Variants in ZC3H12B observed in about 807,000 individuals in gnomAD.
The protein encoded by ZC3H12B is zinc finger CCCH-type containing 12B.
A neutral mutation model predicts 43.9 loss-of-function variants in ZC3H12B; 7 were observed. The ratio of observed to expected loss-of-function variants is 0.16; its 90% CI spans 0.09 to 0.30. The LOEUF (loss-of-function observed/expected upper bound fraction) is 0.30. ZC3H12B is among the 10% of genes least tolerant of loss of function. The pLI, the probability that ZC3H12B is intolerant of heterozygous loss-of-function variation, is 1.00. For synonymous variants in ZC3H12B, 222 were observed against 241.7 expected (o/e 0.92, Z 0.76); for missense variants, 475 against 670.2 (o/e 0.71, Z 3.22).
chrX:65,165,669 C>A, the ZC3H12B span, among the ~76,000 whole-genome samples: 1 of 112,437 alleles, frequency 8.9e-6, no homozygotes, highest in Admixed American at 9.4e-5. Context: ...GGTATATGTG[C>A]CAAATTTTCT....
At chrX:65,142,973 G>A in the ZC3H12B span, among the ~76,000 whole-genome samples, 1 of 110,761 alleles carries the variant, frequency 9.0e-6, no homozygotes, top group African/African-American at 3.3e-5. Flanking sequence ...GTCTTGCTTT[G>A]ACTACATGGG....
the ZC3H12B span, among the ~76,000 whole-genome samples, chrX:65,042,412 C>G: frequency 8.9e-6 from 1 of 112,237 alleles, no homozygotes; most frequent in Non-Finnish European, 1.9e-5. Context: ...TCTGTGCTAA[C>G]AGGGGAGTAT....
the ZC3H12B span, among the ~76,000 whole-genome samples, chrX:65,230,819 G>A: frequency 3.6e-5 from 4 of 111,261 alleles, no homozygotes; most frequent in Admixed American, 9.6e-5. Context: ...GGATGCTAAT[G>A]AACATCAAAA....
the ZC3H12B span, among the ~76,000 whole-genome samples, chrX:65,302,044 T>C: frequency 9.0e-6 from 1 of 110,975 alleles, no homozygotes; most frequent in Non-Finnish European, 1.9e-5. Context: ...CTGAAAAATG[T>C]ACAAGAAACC....
chrX:65,480,991 G>A (rs892342261), intron 3 of ZC3H12B, among the ~76,000 whole-genome samples: 1 of 111,826 alleles, frequency 8.9e-6, no homozygotes, highest in Non-Finnish European at 1.9e-5. Flanking sequence ...CTTGCTTTTA[G>A]TAGAGTTCAC....
At chrX:65,164,930 AG>A in the ZC3H12B span, among the ~76,000 whole-genome samples, 1 of 112,323 alleles carries the variant, frequency 8.9e-6, no homozygotes, top group African/African-American at 3.2e-5. Context: ...CACATAAATC[AG>A]AAAATAAAAT....
chrX:65,213,221 G>A, the ZC3H12B span, among the ~76,000 whole-genome samples: 1 of 109,292 alleles, frequency 9.1e-6, no homozygotes, highest in East Asian at 2.9e-4. Flanking sequence ...GTGTGCCCAC[G>A]AGTATACCAA....
the ZC3H12B span, among the ~76,000 whole-genome samples, chrX:65,343,968 A>G: frequency 1.8e-5 from 2 of 112,481 alleles, no homozygotes; most frequent in Non-Finnish European, 3.8e-5. Context: ...AAGCTGATGA[A>G]CAAATTCAGT....
At chrX:65,247,056 A>T in the ZC3H12B span, among the ~76,000 whole-genome samples, 1 of 112,175 alleles carries the variant, frequency 8.9e-6, no homozygotes, top group South Asian at 3.7e-4. Context: ...TTACAAGCAA[A>T]TAACAAACAA....
chrX:65,206,675 C>T, the ZC3H12B span, among the ~76,000 whole-genome samples: 1 of 111,477 alleles, frequency 9.0e-6, no homozygotes, highest in East Asian at 2.8e-4. Context: ...CTTAATTAAA[C>T]TAAAAAGCTT....
At chrX:65,365,891 C>T (rs1192172817), upstream of ZC3H12B, among the ~76,000 whole-genome samples, 1 of 109,944 alleles carries the variant, frequency 9.1e-6, no homozygotes, top group Non-Finnish European at 1.9e-5. Flanking sequence ...AAAACGACCC[C>T]ACTGCGATCT....
the ZC3H12B span, among the ~76,000 whole-genome samples, chrX:65,120,084 G>A: frequency 1.8e-5 from 2 of 111,995 alleles, no homozygotes; most frequent in African/African-American, 6.5e-5. Context: ...GTAGCGTGAT[G>A]CCTCTAGCTT....
At chrX:65,327,473 A>T in the ZC3H12B span, among the ~76,000 whole-genome samples, 9 of 111,390 alleles carry the variant, frequency 8.1e-5, no homozygotes, top group South Asian at 3.7e-4. Context: ...AAACCACGAA[A>T]CAAGCCACCA....
chrX:65,167,036 C>G, the ZC3H12B span, among the ~76,000 whole-genome samples: 1 of 111,878 alleles, frequency 8.9e-6, no homozygotes, highest in Non-Finnish European at 1.9e-5. Context: ...TACAGAAGCC[C>G]TTTATTTTAA....
At chrX:65,199,996 T>C in the ZC3H12B span, among the ~76,000 whole-genome samples, 2 of 111,393 alleles carry the variant, frequency 1.8e-5, no homozygotes, top group Admixed American at 9.6e-5. Flanking sequence ...AAATTTCAAA[T>C]GATATTTCTG....
the ZC3H12B span, among the ~76,000 whole-genome samples, chrX:65,103,040 A>G: frequency 1.8e-5 from 2 of 111,652 alleles, no homozygotes; most frequent in Non-Finnish European, 3.8e-5. Flanking sequence ...ATTGTCATTG[A>G]TAACATCTTA....
the ZC3H12B span, among the ~76,000 whole-genome samples, chrX:65,162,330 C>T: frequency 8.9e-6 from 1 of 111,845 alleles, no homozygotes; most frequent in African/African-American, 3.2e-5. Context: ...CTAGATTGGG[C>T]AAGTTCTCCT....
chrX:65,227,243 C>G, the ZC3H12B span, among the ~76,000 whole-genome samples: 1 of 111,423 alleles, frequency 9.0e-6, no homozygotes, highest in African/African-American at 3.3e-5. Context: ...CAAAACCGCT[C>G]AACTACATGG....
chrX:65,123,225 C>T, the ZC3H12B span, among the ~76,000 whole-genome samples: 4 of 111,756 alleles, frequency 3.6e-5, no homozygotes, highest in Admixed American at 3.8e-4. Context: ...TGATGGATTA[C>T]ATTTATTGAT....
Sources: gnomAD v4.1 joint callset for allele counts (sites outside exome capture counted in the v4.1 genomes callset) on GRCh38, gnomAD v4.1.1 for gene constraint, MANE v1.5 for transcripts, NCBI Gene and HGNC (gene_info 2026-07-23, HGNC 2026-07-21) for gene names.